Variants in FAM83B observed in about 807,000 individuals in gnomAD.
The protein encoded by FAM83B is scaffolding CK1 anchoring protein B.
Under a neutral mutation model 38.8 loss-of-function variants are expected in FAM83B, and 26 were observed. The ratio of observed to expected loss-of-function variants is 0.67; its 90% CI spans 0.49 to 0.93. FAM83B has a LOEUF of 0.93. Ranked by LOEUF, FAM83B falls within the 40% of genes least tolerant of loss-of-function variation. FAM83B has a pLI of 0.00. For missense variants in FAM83B, 1,237 were observed against 1,197.3 expected (o/e 1.03, Z -0.49); for synonymous variants, 419 against 423.1 (o/e 0.99, Z 0.12).
chr6:54,901,282 T>C (rs1295239133), intron 2 of FAM83B, among the ~76,000 whole-genome samples: 2 of 152,196 alleles, frequency 1.3e-5, no homozygotes, highest in African/African-American at 4.8e-5. Flanking sequence ...GACAGGGGAA[T>C]TTGGTAAACA....
At chr6:54,851,934 A>G (rs1771307501) in intron 1 of FAM83B, among the ~76,000 whole-genome samples, 1 of 151,784 alleles carries the variant, frequency 6.6e-6, no homozygotes, top group South Asian at 2.1e-4. Context: ...GGCGTGAGCC[A>G]CCGCGCCCGG....
intron 4 of FAM83B, among the ~76,000 whole-genome samples, chr6:54,929,705 G>A (rs1211986705): frequency 6.6e-6 from 1 of 152,150 alleles, no homozygotes; most frequent in African/African-American, 2.4e-5. Flanking sequence ...GCTGCAACCA[G>A]CATACTGTTA....
intron 2 of FAM83B, among the ~76,000 whole-genome samples, chr6:54,915,774 CCG>C (rs1554148573): frequency 7.3e-6 from 1 of 137,122 alleles, no homozygotes; most frequent in Non-Finnish European, 1.5e-5. Context: ...CCACTGCAGT[CCG>C]CAGTCCGGCC....
chr6:54,940,684 T>C lies in FAM83B; in HGVS notation c.1713T>C (p.Ser571=). 1 of 1,614,058 alleles carries C rather than the reference T, an allele frequency of 6.2e-7. No homozygotes were observed. Among genetic ancestry groups the C allele is most frequent in the East Asian group, 2.2e-5 (1 of 44,866 alleles). ...CCTCAAATTCAACTATCATTGGTTC[T>C]CAGGGAAGTGAGACACCTAAAGAGG... ...TGSSNSTIIG[S]QGSETPKEVP... is the part of the protein sequence containing the mutation. The change falls in exon 5 of 5, where the codon TCT becomes TCC. Residue 571 remains serine, a synonymous_variant. Coordinates refer to ENST00000306858, the MANE Select transcript of FAM83B (RefSeq NM_001010872.3).
At position 54,919,781 on chromosome 6, in the gene FAM83B, G is replaced by A. The variant is rs1773130500; in HGVS notation, c.445-6590G>A. 2.6e-5 allele frequency among the ~76,000 whole-genome samples: 4 copies of A among 151,900 alleles called. No homozygotes were observed. The South Asian group carries it at 8.3e-4, about 31-fold the overall frequency. ...TTTTATGATAGTGCTTGAAGTCTAT[G>A]TCTATTTATATTATTTTATCCATCA... On this transcript the variant is annotated intron_variant, in intron 2 of 4. Transcript: ENST00000306858.
Position 54,901,159 on chromosome 6 carries a change from A to G in FAM83B, c.445-25212A>G, listed in dbSNP as rs188620553. ...AAAGCCTGAAGGTTACAGATGACAA[A>G]TAACTCAGAACACAATTTATATTGA... is the stretch of plus-strand genomic sequence containing the variant. On this transcript the variant is annotated intron_variant, in intron 2 of 4. Coordinates refer to ENST00000306858, the MANE Select transcript of FAM83B (RefSeq NM_001010872.3). Among the ~76,000 whole-genome samples, 8 of 152,316 alleles carry G rather than the reference A, an allele frequency of 5.3e-5. No individual in the cohort carries two copies. The East Asian group carries it at 1.5e-3, about 29-fold the overall frequency.
chr6:54,902,188 C>T (rs537690365), intron 2 of FAM83B, among the ~76,000 whole-genome samples: 7 of 152,232 alleles, frequency 4.6e-5, no homozygotes, highest in South Asian at 4.1e-4. Flanking sequence ...AGCTTTGTCC[C>T]GAGATGCCCT....
In FAM83B at chr6:54,931,847, A is replaced by G. The variant is rs189292989; in HGVS notation, c.734+4215A>G. Among the ~76,000 whole-genome samples the G allele has an allele frequency of 2.9e-3, 438 of 150,944 alleles. 1 individual carries two copies. The highest frequency in any genetic ancestry group is 3.5e-3 in the Non-Finnish European group (237 of 67,662). On this transcript the variant is annotated intron_variant, in intron 4 of 4. Transcript: ENST00000306858. ...GACTTACTATTGTCATTTTTTTTCCATATGTCTTGTAACTTCTTTGTTCTT... is the reference window on the plus strand; with the variant it reads ...GACTTACTATTGTCATTTTTTTTCCGTATGTCTTGTAACTTCTTTGTTCTT...
chr6:54,939,584 C>T, intron 4 of FAM83B, 122 bp from the exon 5 acceptor site: 1 of 908,874 alleles, frequency 1.1e-6, no homozygotes, highest in Non-Finnish European at 1.6e-6. Flanking sequence ...GGAAAATATT[C>T]TAAATAATGA....
chr6:54,879,377 C>T (rs939289980), intron 2 of FAM83B, among the ~76,000 whole-genome samples: 16 of 152,278 alleles, frequency 1.1e-4, no homozygotes, highest in East Asian at 3.9e-4. Context: ...GATTATCTAC[C>T]CTGCTGAGAA....
intron 1 of FAM83B, among the ~76,000 whole-genome samples, chr6:54,853,995 T>C (rs1416034081): frequency 1.3e-5 from 2 of 152,210 alleles, no homozygotes; most frequent in African/African-American, 4.8e-5. Flanking sequence ...CTCTTGTAGA[T>C]GTCTTAGAAA....
At position 54,940,798 on chromosome 6, in the gene FAM83B, A is replaced by G. The variant is rs755592136; in HGVS notation, c.1827A>G (p.Pro609=). The G allele has an allele frequency of 1.9e-6, 3 of 1,613,926 alleles. No homozygotes were observed. The highest frequency in any genetic ancestry group is 2.5e-6 in the Non-Finnish European group (3 of 1,180,010). Residue 609 remains proline, a synonymous_variant, in exon 5 of 5, where the codon CCA becomes CCG. Transcript: ENST00000306858. Reference sequence around the variant, plus strand: ...AGCTCCCATTGCAGTCAGAGGCACCAAAAATGCACACCTTGCAGGTTCCTG... The same window carrying G: ...AGCTCCCATTGCAGTCAGAGGCACCGAAAATGCACACCTTGCAGGTTCCTG... ...IPKLPLQSEA[P]KMHTLQVPEN... is the part of the protein sequence containing the mutation.
intron 2 of FAM83B, among the ~76,000 whole-genome samples, chr6:54,882,553 C>G (rs1772157050): frequency 2.0e-5 from 3 of 152,178 alleles, no homozygotes; most frequent in African/African-American, 7.2e-5. Context: ...TGATAGACCA[C>G]TCCAGGCAGG....
At chr6:54,863,540 G>A (rs981710279) in intron 1 of FAM83B, among the ~76,000 whole-genome samples, 6 of 52,440 alleles carry the variant, frequency 1.1e-4, no homozygotes, top group Admixed American at 2.7e-4. Context: ...CAACTATGCC[G>A]CTGAGCCAAC....
At chr6:54,887,268 AAC>A (rs1366172518) in intron 2 of FAM83B, among the ~76,000 whole-genome samples, 2 of 152,200 alleles carry the variant, frequency 1.3e-5, no homozygotes, top group Non-Finnish European at 2.9e-5. Context: ...TCAACAACCA[AAC>A]ACAGATTAAA....
At chr6:54,927,723 AAAAGT>A in intron 4 of FAM83B, 91 bp downstream of exon 4, 1 of 589,492 alleles carries the variant, frequency 1.7e-6, no homozygotes. Context: ...GCTTTTTCTT[AAAAGT>A]AAAAAAAAAA....
chr6:54,871,722 G>C (rs1355018104), intron 2 of FAM83B, among the ~76,000 whole-genome samples: 2 of 108,500 alleles, frequency 1.8e-5, no homozygotes, highest in Admixed American at 2.8e-4. Flanking sequence ...TAGCCTGGGT[G>C]ACAGAGCGAG....
intron 2 of FAM83B, among the ~76,000 whole-genome samples, chr6:54,911,264 A>T (rs1046896618): frequency 2.6e-5 from 4 of 151,916 alleles, no homozygotes; most frequent in African/African-American, 9.6e-5. Context: ...GAATTGAAAG[A>T]AATGCCCCTA....
At chr6:54,875,048 G>A (rs948473432) in intron 2 of FAM83B, among the ~76,000 whole-genome samples, 5 of 152,256 alleles carry the variant, frequency 3.3e-5, no homozygotes, top group Non-Finnish European at 7.4e-5. Context: ...CTAGAATAGA[G>A]ACTTTGTCAC....
Sources: gnomAD v4.1 joint callset for allele counts (sites outside exome capture counted in the v4.1 genomes callset) on GRCh38, gnomAD v4.1.1 for gene constraint, MANE v1.5 for transcripts, NCBI Gene and HGNC (gene_info 2026-07-23, HGNC 2026-07-21) for gene names.